Variants in KIF7 observed in about 807,000 individuals in gnomAD.
The protein encoded by KIF7 is kinesin-like protein KIF7.
A neutral mutation model predicts 135.7 loss-of-function variants in KIF7; 104 were observed. That is an observed-to-expected ratio of 0.77 (90% CI 0.65 to 0.90). The LOEUF is 0.90. Among genes scored for constraint, KIF7 ranks in the 40% least tolerant of loss-of-function variants. The probability of loss-of-function intolerance (pLI) is 0.00; values close to 1 mark genes in which losing one functional copy is unlikely to be tolerated. For missense variants in KIF7, 2,005 were observed against 1,839.1 expected (o/e 1.09, Z -1.65); for synonymous variants, 883 against 809.4 (o/e 1.09, Z -1.54).
chr15:89,621,430 T>C, intron 1 of KIF7: 1 of 1,611,210 alleles, frequency 6.2e-7, no homozygotes, highest in Non-Finnish European at 8.5e-7. Context: ...GTATTCGGTC[T>C]CCCAAGAGTC....
upstream of KIF7, among the ~76,000 whole-genome samples, chr15:89,655,975 C>T (rs56980214): frequency 7.8e-3 from 1,189 of 152,230 alleles, 20 homozygotes; most frequent in African/African-American, 0.028. Context: ...TGGTTGGTGT[C>T]TTCACCTCTG....
At chr15:89,643,076 C>A (rs1303783283) in intron 10 of KIF7, among the ~76,000 whole-genome samples, 1 of 105,178 alleles carries the variant, frequency 9.5e-6, no homozygotes, top group African/African-American at 3.3e-5. Context: ...CAGACAAACC[C>A]CAAACGTGGG....
upstream of KIF7, among the ~76,000 whole-genome samples, chr15:89,658,077 A>T (rs75677798): frequency 6.6e-6 from 1 of 152,234 alleles, no homozygotes; most frequent in South Asian, 2.1e-4. Flanking sequence ...TCCATTGTTC[A>T]TCAGATATCA....
chr15:89,627,575 C>A (rs1963556827), downstream of KIF7: 1 of 156,396 alleles, frequency 6.4e-6, no homozygotes, highest in African/African-American at 2.4e-5. Context: ...CCCTGTGTAA[C>A]AGTAAAATCA....
At position 89,652,704 on chromosome 15, in the gene KIF7, T is replaced by C; in HGVS notation, c.227A>G (p.Gln76Arg). 6.4e-7 allele frequency: 1 copy of C among 1,551,794 alleles called. No individual in the cohort carries two copies. The highest frequency in any genetic ancestry group is 8.7e-7 in the Non-Finnish European group (1 of 1,146,988). ...CTCGAAGAAGGCCTCAAGGAGGGGC[T>C]GAACGCAGGCCTGGTACACGGCCTC... ...GQEAVYQACV[Q>R]PLLEAFFEGF... The change falls in exon 2 of 19, where the codon CAG (glutamine) becomes CGG (arginine). Residue 76 changes from glutamine (Q) to arginine (R), a missense_variant. Transcript: ENST00000394412.
chr15:89,629,960 C>A (rs1012373537), intron 16 of KIF7: 8 of 517,126 alleles, frequency 1.5e-5, no homozygotes, highest in Non-Finnish European at 2.1e-5. Flanking sequence ...GGCCTCCACC[C>A]CCACCACTGT....
chr15:89,633,051 C>G, intron 13 of KIF7, 55 bp from the exon 14 acceptor site: 1 of 1,597,618 alleles, frequency 6.3e-7, no homozygotes, highest in Non-Finnish European at 8.5e-7. Context: ...CTGGCTGTGT[C>G]AGCCGCCACT....
chr15:89,648,559 G>C lies in KIF7; in HGVS notation c.1139C>G (p.Ser380Cys), dbSNP rs914657562. ...SGARGPPRHRSETRIIHRGRR... is the reference protein window; with the variant it reads ...SGARGPPRHRCETRIIHRGRR... Reference sequence around the variant, plus strand: ...GCCGCGGTGGATGATGCGGGTCTCGGAGCGGTGCCGTGGCGGACCCCGCGC... The same window carrying C: ...GCCGCGGTGGATGATGCGGGTCTCGCAGCGGTGCCGTGGCGGACCCCGCGC... The change falls in exon 5 of 19, where the codon TCC (serine) becomes TGC (cysteine). Residue 380 changes from serine (S) to cysteine (C), a missense_variant. Physicochemically the swap from Ser to Cys is moderately radical, Grantham distance 112. Coordinates refer to ENST00000394412, the MANE Select transcript of KIF7 (RefSeq NM_198525.3). 26 of 1,442,604 alleles carry C rather than the reference G, an allele frequency of 1.8e-5. No homozygotes were observed. Among genetic ancestry groups the C allele is most frequent in the Non-Finnish European group, 2.3e-5 (25 of 1,098,044 alleles). The allele number at this position is 1,442,604 out of a possible 1,614,324, so 89.4% of individuals were successfully genotyped here.
chr15:89,624,047 A>T (rs1291265933), downstream of KIF7: 4 of 1,613,554 alleles, frequency 2.5e-6, no homozygotes, highest in East Asian at 4.5e-5. Context: ...CCCATCAGAG[A>T]CCCTCTCAGA....
rs747377638 is a variant in KIF7, at chr15:89,647,691, G to T, written c.1465C>A (p.Leu489Met). ...GCCACCTGGTTCTGCAGGGTCAGCA[G>T]CTGCTGCGCCCCCTCATCCTCCTAT... The part of the protein sequence containing the change: ...GRKEDEGAQQ[L>M]LTLQNQVARL... The change falls in exon 6 of 19, where the codon CTG becomes ATG. Residue 489 changes from leucine (L) to methionine (M), a missense_variant. By Grantham distance (15) the Leu-to-Met change is conservative. Transcript: ENST00000394412. The T allele has an allele frequency of 1.3e-6, 2 of 1,588,252 alleles. No individual in the cohort carries two copies. The highest frequency in any genetic ancestry group is 4.6e-5 in the East Asian group (2 of 43,770).
chr15:89,649,385 C>A lies in KIF7; in HGVS notation c.530-18G>T. 2.1e-6 allele frequency: 3 copies of A among 1,447,664 alleles called. No individual in the cohort carries two copies. Among genetic ancestry groups the A allele is most frequent in the South Asian group, 3.0e-5 (2 of 67,560 alleles). The allele number at this position is 1,447,664 out of a possible 1,614,324, so 89.7% of individuals were successfully genotyped here. A position where few individuals can be genotyped will look rare whatever the true frequency, so the allele number is the denominator to read the frequency against. On this transcript the variant is annotated intron_variant, in intron 3 of 18. Transcript: ENST00000394412. The stretch of plus-strand genomic sequence containing the variant: ...GCACAGCACTGCGGGCACAGAAGGC[C>A]GTGAGCCCCAGGGCAGGGGCCGCCA...
intron 1 of KIF7, chr15:89,621,307 C>A: frequency 7.2e-7 from 1 of 1,394,156 alleles, no homozygotes. Flanking sequence ...AGGCGTGAGC[C>A]ACCATGCGTG....
At chr15:89,624,796 G>A (rs2141985208), downstream of KIF7, 1 of 1,614,198 alleles carries the variant, frequency 6.2e-7, no homozygotes, top group East Asian at 2.2e-5. Context: ...GACAGCAGAT[G>A]CTGAGAAGTC....
chr15:89,632,710 C>T, intron 14 of KIF7, 110 bp downstream of exon 14: 6 of 1,221,120 alleles, frequency 4.9e-6, no homozygotes, highest in Admixed American at 2.0e-5. Flanking sequence ...TTTGCTAGAC[C>T]TCACCTGGCA....
Position 89,645,108 on chromosome 15 carries a change from G to A in KIF7, c.2096C>T (p.Ser699Leu), listed in dbSNP as rs1217901267. 5.0e-6 allele frequency: 8 copies of A among 1,605,974 alleles called. No individual in the cohort carries two copies. The South Asian group carries it at 8.8e-5, about 18-fold the overall frequency. Residue 699 changes from serine (S) to leucine (L), a missense_variant, in exon 10 of 19, where the codon TCA becomes TTA. Ser to Leu is a moderately radical substitution (Grantham distance 145). Transcript: ENST00000394412. ...CTGGGCCTGGGCCAGCCGCCACTCTGAGGCTGTGGCAGGGGGGACCTGGCG... is the reference window on the plus strand; with the variant it reads ...CTGGGCCTGGGCCAGCCGCCACTCTAAGGCTGTGGCAGGGGGGACCTGGCG... ...QARQVPPATA[S>L]EWRLAQAQQK...
intron 1 of KIF7, among the ~76,000 whole-genome samples, chr15:89,620,677 C>T (rs968490035): frequency 6.6e-6 from 1 of 151,970 alleles, no homozygotes; most frequent in Non-Finnish European, 1.5e-5. Flanking sequence ...AAATTGTTGC[C>T]TTCTTTCTTT....
Position 89,648,283 on chromosome 15 carries a change from T to C in KIF7, c.1415A>G (p.Gln472Arg). Residue 472 changes from glutamine (Q) to arginine (R), a missense_variant, in exon 5 of 19, where the codon CAG becomes CGG. Physicochemically the swap from Gln to Arg is conservative, Grantham distance 43 (BLOSUM62 1). Transcript: ENST00000394412. ...TCGCCCGCCGGCCCCCTGCGCCGCC[T>C]GGTCCTCGACGGAGGCGCTCTCGAT... ...SGIESASVED[Q>R]AAQGAGGRKE... is the part of the protein sequence containing the mutation. 6.6e-7 allele frequency: 1 copy of C among 1,520,862 alleles called. No homozygotes were observed. Among genetic ancestry groups the C allele is most frequent in the Non-Finnish European group, 8.8e-7 (1 of 1,138,164 alleles). 94.2% of individuals were successfully genotyped at this position (1,520,862 alleles called of 1,614,324 possible).
chr15:89,647,321 C>A (rs1964032536), intron 6 of KIF7, among the ~76,000 whole-genome samples: 1 of 152,158 alleles, frequency 6.6e-6, no homozygotes, highest in South Asian at 2.1e-4. Flanking sequence ...CCTGGTGACG[C>A]CCGGCTCCAA....
downstream of KIF7, chr15:89,624,692 C>T: frequency 3.1e-6 from 5 of 1,614,138 alleles, no homozygotes; most frequent in Non-Finnish European, 4.2e-6. Context: ...ACAAGTGACA[C>T]AGAGCATGTC....
Sources: allele counts gnomAD v4.1 joint callset (sites outside exome capture counted in the v4.1 genomes callset), GRCh38; gene constraint gnomAD v4.1.1; transcripts MANE v1.5; gene names NCBI Gene and HGNC (gene_info 2026-07-23, HGNC 2026-07-21).